Variants in VRK2 observed in about 807,000 individuals in gnomAD.
The protein encoded by VRK2 is VRK serine/threonine kinase 2, also known as serine/threonine-protein kinase VRK2.
Under a neutral mutation model 57.6 loss-of-function variants are expected in VRK2, and 60 were observed. That is an observed-to-expected ratio of 1.04 (90% CI 0.85 to 1.29). The LOEUF is 1.29. Ranked by LOEUF, VRK2 falls within the 50% of genes most tolerant of loss-of-function variation. The probability of loss-of-function intolerance (pLI) is 0.00; values close to 1 mark genes in which losing one functional copy is unlikely to be tolerated. For missense variants in VRK2, 705 were observed against 588.1 expected, an observed-to-expected ratio of 1.20 and a Z score of -2.06; for synonymous variants, 231 against 199.2, an observed-to-expected ratio of 1.16 and a Z score of -1.35.
At position 58,120,184 on chromosome 2, in the gene VRK2, C is replaced by CTTTTTTTTTTTTTTTTT. The variant is rs397868874; in HGVS notation, c.544-2909_544-2893dup. ...CTTTTTGTCTATTTTTTTTTCTTTT[C>CTTTTTTTTTTTTTTTTT]TTTTTTTTTTTTTTTTTTTTTTTTG... On this transcript the variant is annotated intron_variant, in intron 7 of 12. Coordinates refer to ENST00000340157, the MANE Select transcript of VRK2 (RefSeq NM_006296.7). Among the ~76,000 whole-genome samples the CTTTTTTTTTTTTTTTTT allele has an allele frequency of 8.0e-3, 418 of 51,968 alleles. 17 individuals carry two copies. The highest frequency in any genetic ancestry group is 0.012 in the African/African-American group (114 of 9,642). The allele number at this position is 51,968 out of a possible 152,430, so 34.1% of individuals were successfully genotyped here. A position where few individuals can be genotyped will look rare whatever the true frequency, so the allele number is the denominator to read the frequency against.
intron 1 of VRK2, among the ~76,000 whole-genome samples, chr2:57,950,826 G>C (rs1378231325): frequency 6.6e-6 from 1 of 152,152 alleles, no homozygotes; most frequent in Non-Finnish European, 1.5e-5. Context: ...GGGCATGGTG[G>C]CTCATGCCTG....
In VRK2 at chr2:58,101,420, A is replaced by T. The variant is rs1673945524; in HGVS notation, c.543+11697A>T. Among the ~76,000 whole-genome samples the T allele has an allele frequency of 1.1e-4, 16 of 151,844 alleles. 1 individual carries two copies. In the South Asian group the frequency reaches 3.3e-3, roughly 32 times the overall value. On this transcript the variant is annotated intron_variant, in intron 7 of 12. Transcript: ENST00000340157. ...TATGCATCTCCAAAAACTAAGGACA[A>T]TTCACTATATTATCAGAATGTGATT...
intron 12 of VRK2, among the ~76,000 whole-genome samples, chr2:58,157,337 T>G (rs1004038240): frequency 3.3e-5 from 5 of 152,178 alleles, no homozygotes; most frequent in African/African-American, 1.2e-4. Flanking sequence ...ACAGCTGCAC[T>G]GTTGACATTT....
At chr2:58,134,623 A>G (rs1250359382) in intron 9 of VRK2, among the ~76,000 whole-genome samples, 2 of 150,056 alleles carry the variant, frequency 1.3e-5, no homozygotes, top group East Asian at 1.9e-4. Flanking sequence ...GTCTCAAAAA[A>G]AAAAAAAAAA....
At chr2:57,919,529 A>T (rs1670268146) in intron 1 of VRK2, among the ~76,000 whole-genome samples, 1 of 152,080 alleles carries the variant, frequency 6.6e-6, no homozygotes. Context: ...CAATATGTAC[A>T]TTCTAAATCT....
At chr2:58,067,857 T>A (rs1668818503) in intron 2 of VRK2, among the ~76,000 whole-genome samples, 1 of 152,094 alleles carries the variant, frequency 6.6e-6, no homozygotes, top group African/African-American at 2.4e-5. Context: ...ATTCCAAATT[T>A]CCTTGTGTAA....
intron 1 of VRK2, among the ~76,000 whole-genome samples, chr2:57,963,623 GAAC>G (rs1160203201): frequency 1.3e-5 from 2 of 152,148 alleles, no homozygotes; most frequent in African/African-American, 2.4e-5. Flanking sequence ...GAGAATTTCT[GAAC>G]ATCATCTGAA....
chr2:57,976,711 C>T (rs1425819225), intron 1 of VRK2, among the ~76,000 whole-genome samples: 3 of 152,158 alleles, frequency 2.0e-5, no homozygotes, highest in South Asian at 2.1e-4. Context: ...TGTGCAGAAG[C>T]TCTTTAGTTT....
intron 1 of VRK2, among the ~76,000 whole-genome samples, chr2:57,980,416 G>A (rs1379869600): frequency 6.6e-6 from 1 of 152,030 alleles, no homozygotes; most frequent in African/African-American, 2.4e-5. Context: ...GTATGATTTT[G>A]GTTTTTTTGA....
At chr2:57,932,014 T>C (rs1431376681) in intron 1 of VRK2, among the ~76,000 whole-genome samples, 5 of 152,134 alleles carry the variant, frequency 3.3e-5, no homozygotes, top group Admixed American at 2.0e-4. Context: ...CTGCTTTGAT[T>C]ACTATGGATT....
At chr2:58,103,267 T>C (rs1200037954) in intron 7 of VRK2, among the ~76,000 whole-genome samples, 2 of 150,842 alleles carry the variant, frequency 1.3e-5, no homozygotes, top group African/African-American at 2.4e-5. Context: ...AAAAATTAAA[T>C]AAATAAATAA....
At chr2:57,935,376 G>C (rs539213610) in intron 1 of VRK2, among the ~76,000 whole-genome samples, 1 of 152,214 alleles carries the variant, frequency 6.6e-6, no homozygotes, top group African/African-American at 2.4e-5. Context: ...CAAAAATCCA[G>C]GCTGGATGCT....
chr2:58,077,837 A>C (rs930861792), intron 2 of VRK2, among the ~76,000 whole-genome samples: 1 of 152,118 alleles, frequency 6.6e-6, no homozygotes, highest in Non-Finnish European at 1.5e-5. Flanking sequence ...TTCTTCATGC[A>C]TGGAAATTTG....
intron 8 of VRK2, among the ~76,000 whole-genome samples, chr2:58,126,754 T>A (rs1219586899): frequency 6.6e-6 from 1 of 152,138 alleles, no homozygotes; most frequent in East Asian, 1.9e-4. Context: ...ATTTTTTTAT[T>A]CTTTATAAAA....
At chr2:58,043,035 T>C (rs1461706017), upstream of VRK2, among the ~76,000 whole-genome samples, 1 of 152,164 alleles carries the variant, frequency 6.6e-6, no homozygotes, top group Non-Finnish European at 1.5e-5. Context: ...ATATTCTCAA[T>C]ATAGGTTTAC....
intron 1 of VRK2, among the ~76,000 whole-genome samples, chr2:57,958,429 A>G (rs189456808): frequency 3.1e-4 from 46 of 147,170 alleles, no homozygotes; most frequent in Middle Eastern, 6.9e-3. Flanking sequence ...GTGTGTGTGT[A>G]TATACATGTA....
At chr2:58,148,093 A>G (rs1454760792) in intron 12 of VRK2, among the ~76,000 whole-genome samples, 1 of 151,814 alleles carries the variant, frequency 6.6e-6, no homozygotes, top group East Asian at 1.9e-4. Context: ...TGTATGTTCA[A>G]TTTTATAAAG....
At chr2:58,151,986 A>T (rs1683150075) in intron 12 of VRK2, among the ~76,000 whole-genome samples, 1 of 151,436 alleles carries the variant, frequency 6.6e-6, no homozygotes, top group Admixed American at 6.6e-5. Flanking sequence ...ATTTTACAAA[A>T]CAAGTTTGCA....
intron 2 of VRK2, among the ~76,000 whole-genome samples, chr2:58,080,211 T>C (rs1053517233): frequency 6.6e-6 from 1 of 152,048 alleles, no homozygotes. Flanking sequence ...ATCTATTTTC[T>C]GATTTCCATT....
Sources: gnomAD v4.1 joint callset for allele counts (sites outside exome capture counted in the v4.1 genomes callset) on GRCh38, gnomAD v4.1.1 for gene constraint, MANE v1.5 for transcripts, NCBI Gene and HGNC (gene_info 2026-07-23, HGNC 2026-07-21) for gene names.